Variants in PTMA observed in about 807,000 individuals in gnomAD.
The protein encoded by PTMA is gene sequence 28.
In PTMA, 4 loss-of-function variants were observed where a neutral mutation model predicts 16.9. The ratio of observed to expected loss-of-function variants is 0.24; its 90% CI spans 0.12 to 0.54. The LOEUF is 0.54. Among genes scored for constraint, PTMA ranks in the 20% least tolerant of loss-of-function variants. The pLI, the probability that PTMA is intolerant of heterozygous loss-of-function variation, is 0.95. For missense variants in PTMA, 120 were observed against 137.7 expected (o/e 0.87, Z 0.64); for synonymous variants, 58 against 47.9 (o/e 1.21, Z -0.87).
intron 1 of PTMA, chr2:231,710,445 C>T (rs2048503145): frequency 8.9e-7 from 1 of 1,126,946 alleles, no homozygotes; most frequent in Non-Finnish European, 1.1e-6. Flanking sequence ...GGGCTTCGGC[C>T]GCCAGGGGGC....
intron 1 of PTMA, 157 bp from the exon 2 acceptor site, chr2:231,711,191 G>A (rs1284827935): frequency 4.8e-6 from 3 of 625,848 alleles, no homozygotes; most frequent in Non-Finnish European, 8.5e-6. Flanking sequence ...CAGACCAGTG[G>A]GAGAGGGACC....
intron 1 of PTMA, chr2:231,710,331 A>T: frequency 1.6e-6 from 2 of 1,228,168 alleles, no homozygotes; most frequent in Non-Finnish European, 2.0e-6. Context: ...GCCCCGGGCC[A>T]CGTGCTCCCT....
intron 1 of PTMA, chr2:231,710,207 C>T (rs376735723): frequency 1.5e-6 from 2 of 1,330,484 alleles, no homozygotes; most frequent in Middle Eastern, 2.8e-4. Context: ...GCCGGGGTGG[C>T]GGCAGTGGGG....
At chr2:231,710,581 C>T (rs752150000) in intron 1 of PTMA, 12 of 526,954 alleles carry the variant, frequency 2.3e-5, no homozygotes, top group Admixed American at 4.8e-5. Flanking sequence ...GACGCCGGAC[C>T]TCTGTTGGTA....
At chr2:231,708,872 G>GCCC in intron 1 of PTMA, 121 bp downstream of exon 1, 1 of 1,235,534 alleles carries the variant, frequency 8.1e-7, no homozygotes, top group South Asian at 1.4e-5. Context: ...GAAACGGCCC[G>GCCC]CCCCCGGCGC....
At chr2:231,712,147 C>T (rs2048525877) in intron 3 of PTMA, among the ~76,000 whole-genome samples, 164 bp downstream of exon 3, 2 of 152,282 alleles carry the variant, frequency 1.3e-5, no homozygotes, top group African/African-American at 2.4e-5. Context: ...GGAAGGTCTC[C>T]CTGACATGGA....
chr2:231,710,250 G>T (rs1327596827), intron 1 of PTMA: 3 of 1,337,118 alleles, frequency 2.2e-6, no homozygotes, highest in Non-Finnish European at 1.9e-6. Context: ...ACCGACGCGC[G>T]ACCCGCGCGC....
intron 2 of PTMA, 116 bp from the exon 3 acceptor site, chr2:231,711,774 T>A: frequency 2.2e-5 from 33 of 1,530,180 alleles, no homozygotes; most frequent in Non-Finnish European, 2.9e-5. Context: ...TGGGCTTGGC[T>A]TGGCTGGGCT....
chr2:231,710,048 C>T (rs1050326196), intron 1 of PTMA: 2 of 1,222,630 alleles, frequency 1.6e-6, no homozygotes, highest in South Asian at 4.2e-5. Flanking sequence ...GTTCGATTTT[C>T]TCCGAAGCAC....
rs1258299524 is a variant in PTMA, at chr2:231,708,612, T to G, written c.-95T>G. On this transcript the variant is annotated 5_prime_UTR_variant, in exon 1 of 5. Coordinates refer to ENST00000409115, the MANE Select transcript of PTMA (RefSeq NM_002823.5). ...GCAGCCGCCTCCGCCGCGCGCCTCCTCCGCCGCCGCGGACTCCGGCAGCTT... is the reference window on the plus strand; with the variant it reads ...GCAGCCGCCTCCGCCGCGCGCCTCCGCCGCCGCCGCGGACTCCGGCAGCTT... 30 of 1,534,916 alleles carry G rather than the reference T, an allele frequency of 2.0e-5. No individual in the cohort carries two copies. The highest frequency in any genetic ancestry group is 1.0e-4 in the Admixed American group (6 of 59,030).
chr2:231,712,202 T>G (rs2048526683), intron 3 of PTMA, among the ~76,000 whole-genome samples: 1 of 152,178 alleles, frequency 6.6e-6, no homozygotes, highest in Admixed American at 6.5e-5. Flanking sequence ...CCTGAAAGTT[T>G]CTTTCGTGCA....
intron 1 of PTMA, among the ~76,000 whole-genome samples, chr2:231,710,865 T>TC (rs935306135): frequency 6.6e-6 from 1 of 152,234 alleles, no homozygotes; most frequent in African/African-American, 2.4e-5. Context: ...TCGCGGGCCT[T>TC]CCAGGCTGGC....
chr2:231,709,093 C>T (rs1026459020), intron 1 of PTMA, among the ~76,000 whole-genome samples: 3 of 152,268 alleles, frequency 2.0e-5, no homozygotes, highest in Admixed American at 6.5e-5. Flanking sequence ...GTCGGCCCGC[C>T]GGGCGCACGG....
chr2:231,711,760 G>C, intron 2 of PTMA, 130 bp from the exon 3 acceptor site: 12 of 1,496,756 alleles, frequency 8.0e-6, no homozygotes, highest in Non-Finnish European at 1.1e-5. Flanking sequence ...AAGGGTCTCT[G>C]GGGTGGGCTT....
intron 2 of PTMA, chr2:231,711,674 G>T (rs1323966851): frequency 2.2e-6 from 2 of 906,880 alleles, no homozygotes; most frequent in African/African-American, 3.4e-5. Context: ...GCTTGGCCCA[G>T]GGTGGGGAAA....
At chr2:231,709,862 G>GC (rs1319205409) in intron 1 of PTMA, 3 of 261,122 alleles carry the variant, frequency 1.1e-5, no homozygotes, top group Admixed American at 5.5e-5. Context: ...AGTCACCTTG[G>GC]CGTCTCCTTA....
chr2:231,710,947 C>T (rs1231567788), intron 1 of PTMA, among the ~76,000 whole-genome samples: 2 of 152,256 alleles, frequency 1.3e-5, no homozygotes, highest in African/African-American at 2.4e-5. Flanking sequence ...CATAACCTGC[C>T]GCCTTTCTAG....
At chr2:231,709,253 C>T (rs1449369645) in intron 1 of PTMA, among the ~76,000 whole-genome samples, 1 of 152,144 alleles carries the variant, frequency 6.6e-6, no homozygotes. Flanking sequence ...CGCCCTGCAG[C>T]GGACCTGAGG....
rs2048540657 is a variant in PTMA, at chr2:231,713,134, T to C, written c.*283T>C. On this transcript the variant is annotated 3_prime_UTR_variant, in exon 5 of 5. Coordinates refer to ENST00000409115, the MANE Select transcript of PTMA (RefSeq NM_002823.5). ...ATTTGTTTGTATTTTTTATTTACATTTTATATTTTTGTACATATTGTTAGG... is the reference window on the plus strand; with the variant it reads ...ATTTGTTTGTATTTTTTATTTACATCTTATATTTTTGTACATATTGTTAGG... 2.3e-6 allele frequency: 1 copy of C among 441,440 alleles called. No individual in the cohort carries two copies. The highest frequency in any genetic ancestry group is 4.3e-6 in the Non-Finnish European group (1 of 231,590). 27.3% of individuals were successfully genotyped at this position (441,440 alleles called of 1,614,324 possible). A position where few individuals can be genotyped will look rare whatever the true frequency, so the allele number is the denominator to read the frequency against.
Sources: allele counts gnomAD v4.1 joint callset (sites outside exome capture counted in the v4.1 genomes callset), GRCh38; gene constraint gnomAD v4.1.1; transcripts MANE v1.5; gene names NCBI Gene and HGNC (gene_info 2026-07-23, HGNC 2026-07-21).